Variants in UFL1 observed in about 807,000 individuals in gnomAD.
UFL1 encodes the protein UFM1 specific ligase 1, also known as E3 UFM1-protein ligase 1.
A neutral mutation model predicts 99.3 loss-of-function variants in UFL1; 78 were observed. The ratio of observed to expected loss-of-function variants is 0.79; its 90% CI spans 0.65 to 0.95. The LOEUF (loss-of-function observed/expected upper bound fraction) is 0.95. UFL1 is among the 40% of genes least tolerant of loss of function. The probability of loss-of-function intolerance (pLI) is 0.00; values close to 1 mark genes in which losing one functional copy is unlikely to be tolerated. For synonymous variants in UFL1, 335 were observed against 322.2 expected (o/e 1.04, Z -0.42); for missense variants, 936 against 937.0 (o/e 1.00, Z 0.01).
chr6:96,549,867 C>G, intron 15 of UFL1, 68 bp downstream of exon 15: 1 of 1,544,888 alleles, frequency 6.5e-7, no homozygotes, highest in African/African-American at 1.4e-5. Context: ...TTTATTTTAT[C>G]TTATTTGGAG....
chr6:96,540,682 CAA>C, intron 11 of UFL1, 27 bp downstream of exon 11: 1 of 1,584,954 alleles, frequency 6.3e-7, no homozygotes, highest in Non-Finnish European at 8.6e-7. Flanking sequence ...AAGGAATATT[CAA>C]AGTTTTGTAT....
intron 5 of UFL1, among the ~76,000 whole-genome samples, chr6:96,527,105 A>C (rs1160769185): frequency 6.6e-6 from 1 of 152,146 alleles, no homozygotes; most frequent in African/African-American, 2.4e-5. Context: ...CTGAAAACAT[A>C]GGCTATTTTC....
chr6:96,539,531 T>A lies in UFL1; in HGVS notation c.1158+721T>A, dbSNP rs1186176633. On this transcript the variant is annotated intron_variant, in intron 10 of 18. Transcript: ENST00000369278. ...AGATAAACTTCTGTATTTAGCCTGA[T>A]AAGCAGCAGAGAAGATTACAAAGTA... 2.0e-5 allele frequency among the ~76,000 whole-genome samples: 3 copies of A among 151,674 alleles called. No individual in the cohort carries two copies. The East Asian group carries it at 5.8e-4, about 29-fold the overall frequency.
rs994540592 is a variant in UFL1, at chr6:96,554,927, A to G, written c.*1424A>G. The G allele has an allele frequency of 1.3e-5, 2 of 152,554 alleles. No individual in the cohort carries two copies. The highest frequency in any genetic ancestry group is 4.8e-5 in the African/African-American group (2 of 41,444). The allele number at this position is 152,554 out of a possible 1,614,324, so 9.5% of individuals were successfully genotyped here. ...TTATTCAGCTTCTAAAATATTGAACACCCAGACTTTTAATTCAACCTTTAA... is the reference window on the plus strand; with the variant it reads ...TTATTCAGCTTCTAAAATATTGAACGCCCAGACTTTTAATTCAACCTTTAA... On this transcript the variant is annotated 3_prime_UTR_variant, in exon 19 of 19. Coordinates refer to ENST00000369278, the MANE Select transcript of UFL1 (RefSeq NM_015323.5).
chr6:96,545,975 A>C (rs903609006), intron 12 of UFL1, among the ~76,000 whole-genome samples: 2 of 151,166 alleles, frequency 1.3e-5, no homozygotes, highest in African/African-American at 4.8e-5. Context: ...AAGGATGTCT[A>C]CTCTCACCAC....
At position 96,553,617 on chromosome 6, in the gene UFL1, TACAC is replaced by T; in HGVS notation, c.*120_*123del. The stretch of plus-strand genomic sequence containing the variant: ...CCCTCTCCCTGCAAAAACCACCTCA[TACAC>T]ACACAATTCAGTTAAAACAGTAGTA... On this transcript the variant is annotated 3_prime_UTR_variant, in exon 19 of 19. Coordinates refer to ENST00000369278, the MANE Select transcript of UFL1 (RefSeq NM_015323.5). 1.4e-6 allele frequency: 1 copy of T among 717,734 alleles called. No homozygotes were observed. Among genetic ancestry groups the T allele is most frequent in the Non-Finnish European group, 2.3e-6 (1 of 437,036 alleles). 44.5% of individuals were successfully genotyped at this position (717,734 alleles called of 1,614,324 possible). A position where few individuals can be genotyped will look rare whatever the true frequency, so the allele number is the denominator to read the frequency against.
chr6:96,535,977 G>T (rs1769847007), intron 7 of UFL1, among the ~76,000 whole-genome samples: 1 of 151,972 alleles, frequency 6.6e-6, no homozygotes, highest in African/African-American at 2.4e-5. Context: ...AAAAATTTCA[G>T]TGTTAACATT....
Position 96,523,305 on chromosome 6 carries a change from T to C in UFL1, c.223+14T>C. On this transcript the variant is annotated intron_variant, in intron 2 of 18. Coordinates refer to ENST00000369278, the MANE Select transcript of UFL1 (RefSeq NM_015323.5). The stretch of plus-strand genomic sequence containing the variant: ...ATGTCCGAGGTGGTAGGTAATTCTT[T>C]AGTGTTTTTTTTTTTCTTGGATTTT... The C allele has an allele frequency of 1.2e-5, 19 of 1,566,422 alleles. No homozygotes were observed. The highest frequency in any genetic ancestry group is 1.6e-5 in the Non-Finnish European group (19 of 1,162,378).
chr6:96,532,763 C>T (rs887786834), intron 6 of UFL1, among the ~76,000 whole-genome samples: 5 of 152,172 alleles, frequency 3.3e-5, no homozygotes, highest in African/African-American at 1.2e-4. Context: ...TCACCAGAAT[C>T]ATGAGCCAAA....
At chr6:96,525,679 T>TA (rs199586317) in intron 4 of UFL1, among the ~76,000 whole-genome samples, 433 of 110,904 alleles carry the variant, frequency 3.9e-3, no homozygotes, top group Middle Eastern at 0.024. Flanking sequence ...TGTCTCAAAT[T>TA]AAAAAAAAAA....
chr6:96,528,680 GTT>G (rs747026541), intron 6 of UFL1, 48 bp downstream of exon 6: 31 of 1,521,434 alleles, frequency 2.0e-5, no homozygotes, highest in Non-Finnish European at 2.4e-5. Flanking sequence ...TTTGATCATG[GTT>G]TGCATTTTTT....
intron 17 of UFL1, among the ~76,000 whole-genome samples, chr6:96,552,185 T>C (rs1399830349): frequency 6.6e-6 from 1 of 152,108 alleles, no homozygotes; most frequent in African/African-American, 2.4e-5. Context: ...TTGGGGACTT[T>C]CCTTACAGGA....
chr6:96,526,601 A>G (rs928250940), intron 5 of UFL1, among the ~76,000 whole-genome samples, 166 bp downstream of exon 5: 5 of 152,190 alleles, frequency 3.3e-5, no homozygotes, highest in Non-Finnish European at 7.3e-5. Flanking sequence ...GGGTACTTCT[A>G]GTACATTAAT....
At chr6:96,530,694 T>G (rs1358237394) in intron 6 of UFL1, among the ~76,000 whole-genome samples, 1 of 152,186 alleles carries the variant, frequency 6.6e-6, no homozygotes, top group Non-Finnish European at 1.5e-5. Flanking sequence ...CTTGAAACTT[T>G]CTTTTCTTTC....
intron 7 of UFL1, among the ~76,000 whole-genome samples, chr6:96,535,679 T>A (rs1769842842): frequency 6.6e-6 from 1 of 152,048 alleles, no homozygotes; most frequent in Non-Finnish European, 1.5e-5. Flanking sequence ...ACTCCAACAT[T>A]GATCCTCTTA....
intron 6 of UFL1, among the ~76,000 whole-genome samples, chr6:96,529,898 T>G (rs1769757204): frequency 6.6e-6 from 1 of 152,160 alleles, no homozygotes; most frequent in Non-Finnish European, 1.5e-5. Flanking sequence ...ACTTTTTTTT[T>G]CTGAACAATT....
chr6:96,543,570 CTG>C (rs980402335), intron 12 of UFL1, among the ~76,000 whole-genome samples: 14 of 151,080 alleles, frequency 9.3e-5, no homozygotes, highest in African/African-American at 3.4e-4. Context: ...GAATGGCTGA[CTG>C]TGGGAATGTT....
intron 7 of UFL1, among the ~76,000 whole-genome samples, chr6:96,535,441 C>T (rs185170691): frequency 1.7e-4 from 26 of 152,042 alleles, no homozygotes; most frequent in African/African-American, 6.3e-4. Flanking sequence ...GCAGCACCTT[C>T]CGCTTCGTGG....
At chr6:96,522,882 G>C (rs1769639496) in intron 1 of UFL1, 2 of 268,208 alleles carry the variant, frequency 7.5e-6, no homozygotes, top group Non-Finnish European at 6.9e-6. Flanking sequence ...TTGGAAGCAG[G>C]CCTGTAAGAG....
Sources: gnomAD v4.1 joint callset for allele counts (sites outside exome capture counted in the v4.1 genomes callset) on GRCh38, gnomAD v4.1.1 for gene constraint, MANE v1.5 for transcripts, NCBI Gene and HGNC (gene_info 2026-07-23, HGNC 2026-07-21) for gene names.